The following DAB1 variants were observed in gnomAD, a reference collection of about 807,000 sequenced individuals.
DAB1 encodes the protein DAB adaptor protein 1, also known as disabled homolog 1.
Under a neutral mutation model 64.6 loss-of-function variants are expected in DAB1, and 15 were observed. The observed-to-expected ratio is 0.23, with a 90% CI of 0.16 to 0.36. DAB1 has a LOEUF of 0.36. Among genes scored for constraint, DAB1 ranks in the 10% least tolerant of loss-of-function variants. The pLI is 1.00. For missense variants in DAB1, 596 were observed against 706.7 expected (o/e 0.84, Z 1.78); for synonymous variants, 235 against 251.9 (o/e 0.93, Z 0.64).
At chr1:57,592,284 C>T (rs1645454430) in intron 7 of DAB1, among the ~76,000 whole-genome samples, 1 of 152,156 alleles carries the variant, frequency 6.6e-6, no homozygotes, top group South Asian at 2.1e-4. Flanking sequence ...TGAGATGTGA[C>T]ACACAGGATT....
rs1485900242 is a variant in DAB1, at chr1:57,014,913, C to A, written c.1414G>T (p.Val472Leu). The A allele has an allele frequency of 1.9e-6, 3 of 1,594,246 alleles. No homozygotes were observed. Among genetic ancestry groups the A allele is most frequent in the Non-Finnish European group, 2.6e-6 (3 of 1,169,168 alleles). The stretch of plus-strand genomic sequence containing the variant: ...TTGGTCGATGGTGTGGTAGAAGTCA[C>A]AGGGGTCAAATTCAACTGGGAGATG... ...FDISQLNLTPVTSTTPSTNSP... is the reference protein window; with the variant it reads ...FDISQLNLTPLTSTTPSTNSP... The change falls in exon 12 of 15, where the codon GTG (valine) becomes TTG (leucine). Residue 472 changes from valine (V) to leucine (L), a missense_variant. Val to Leu is a conservative substitution (Grantham distance 32, BLOSUM62 1). This residue lies in a region of DAB1 where 377 missense variants were observed against 400.4 expected (regional missense o/e 0.94). Coordinates refer to ENST00000371236, the MANE Select transcript of DAB1 (RefSeq NM_001365792.1).
At chr1:57,805,001 A>G (rs1158221803) in intron 6 of DAB1, among the ~76,000 whole-genome samples, 3 of 152,308 alleles carry the variant, frequency 2.0e-5, no homozygotes, top group Non-Finnish European at 4.4e-5. Flanking sequence ...AATCAATCCA[A>G]GCTGCTCATT....
intron 3 of DAB1, among the ~76,000 whole-genome samples, chr1:58,451,952 T>C (rs1238697609): frequency 6.6e-6 from 1 of 150,498 alleles, no homozygotes; most frequent in African/African-American, 2.5e-5. Context: ...AGTTTCACTC[T>C]TGTTGCCCAG....
intron 1 of DAB1, among the ~76,000 whole-genome samples, chr1:57,299,199 T>C (rs1673435260): frequency 6.6e-6 from 1 of 152,266 alleles, no homozygotes; most frequent in African/African-American, 2.4e-5. Flanking sequence ...GGGATCTTGC[T>C]ACACAGTATC....
At chr1:57,695,565 T>A (rs550750411) in intron 6 of DAB1, among the ~76,000 whole-genome samples, 1 of 152,180 alleles carries the variant, frequency 6.6e-6, no homozygotes, top group Non-Finnish European at 1.5e-5. Context: ...CCTGTTGGAA[T>A]GTGTTGCCTT....
At chr1:58,029,852 T>C (rs1646945992) in intron 5 of DAB1, among the ~76,000 whole-genome samples, 1 of 152,092 alleles carries the variant, frequency 6.6e-6, no homozygotes. Context: ...TTTAATAATA[T>C]TGGAAAATAG....
intron 7 of DAB1, among the ~76,000 whole-genome samples, chr1:57,467,199 T>C (rs1214922030): frequency 2.6e-5 from 4 of 152,152 alleles, no homozygotes; most frequent in Non-Finnish European, 5.9e-5. Flanking sequence ...CTAGAGTGGG[T>C]CCTAAGGATT....
intron 5 of DAB1, among the ~76,000 whole-genome samples, chr1:57,894,643 T>C (rs1209827043): frequency 1.3e-5 from 2 of 151,922 alleles, no homozygotes; most frequent in African/African-American, 4.8e-5. Flanking sequence ...CTTAGTGCAA[T>C]GGGAAAAAAA....
At chr1:57,146,648 A>T (rs1359586521) in intron 2 of DAB1, among the ~76,000 whole-genome samples, 1 of 152,174 alleles carries the variant, frequency 6.6e-6, no homozygotes, top group Non-Finnish European at 1.5e-5. Context: ...ACAAAACACA[A>T]CTTTCATTTC....
chr1:58,085,250 T>A (rs1407100773), intron 5 of DAB1, among the ~76,000 whole-genome samples: 1 of 152,192 alleles, frequency 6.6e-6, no homozygotes, highest in Non-Finnish European at 1.5e-5. Flanking sequence ...GTTTAGAAGC[T>A]CTTTATAAAG....
intron 9 of DAB1, among the ~76,000 whole-genome samples, chr1:57,050,929 T>C (rs1435091682): frequency 3.9e-5 from 6 of 152,194 alleles, no homozygotes; most frequent in African/African-American, 7.2e-5. Context: ...ACTGGAGCTC[T>C]GGGATTACAA....
chr1:57,282,308 G>A (rs1490625540), intron 2 of DAB1, among the ~76,000 whole-genome samples: 4 of 151,104 alleles, frequency 2.6e-5, no homozygotes, highest in East Asian at 2.0e-4. Context: ...CTGCACAAAA[G>A]CCACAGAGGT....
intron 1 of DAB1, among the ~76,000 whole-genome samples, chr1:57,420,438 G>C (rs1204455458): frequency 1.3e-5 from 2 of 152,154 alleles, no homozygotes; most frequent in Non-Finnish European, 2.9e-5. Flanking sequence ...CCACATCCTA[G>C]GGTTATCTGA....
At chr1:57,238,508 T>G (rs908328792) in intron 2 of DAB1, among the ~76,000 whole-genome samples, 3 of 152,158 alleles carry the variant, frequency 2.0e-5, no homozygotes, top group Non-Finnish European at 4.4e-5. Flanking sequence ...ATTGGAGAGT[T>G]TTTAGGGATG....
chr1:57,838,640 A>T (rs771062628), intron 1 of DAB1, among the ~76,000 whole-genome samples: 9 of 152,188 alleles, frequency 5.9e-5, no homozygotes, highest in Non-Finnish European at 7.3e-5. Flanking sequence ...CTCTGCCATT[A>T]ACCAACCATA....
intron 4 of DAB1, among the ~76,000 whole-genome samples, chr1:58,154,083 A>C (rs1313395419): frequency 1.3e-5 from 2 of 151,764 alleles, no homozygotes; most frequent in Non-Finnish European, 2.9e-5. Flanking sequence ...GTGTTTCCTC[A>C]TGTTATCCCT....
intron 4 of DAB1, among the ~76,000 whole-genome samples, chr1:57,098,528 T>C (rs1654379734): frequency 6.6e-6 from 1 of 152,146 alleles, no homozygotes; most frequent in Non-Finnish European, 1.5e-5. Flanking sequence ...TTTTCTATTG[T>C]CCCTTTGACC....
chr1:57,640,087 G>C (rs1646110030), intron 7 of DAB1, among the ~76,000 whole-genome samples: 2 of 152,190 alleles, frequency 1.3e-5, no homozygotes, highest in Non-Finnish European at 2.9e-5. Context: ...GTGGGCAGAA[G>C]ATGATGAGTG....
At chr1:58,049,604 G>A (rs772196755) in intron 5 of DAB1, among the ~76,000 whole-genome samples, 7 of 152,134 alleles carry the variant, frequency 4.6e-5, no homozygotes, top group Non-Finnish European at 1.0e-4. Flanking sequence ...ATAGAAGAAA[G>A]AGCATGGATT....
Sources: gnomAD v4.1 joint callset for allele counts (sites outside exome capture counted in the v4.1 genomes callset) on GRCh38, gnomAD v4.1.1 for gene constraint, gnomAD v4.1.1 regional missense constraint, MANE v1.5 for transcripts, NCBI Gene and HGNC (gene_info 2026-07-23, HGNC 2026-07-21) for gene names.